ZNF521: variants seen among roughly 807,000 people sequenced by gnomAD.
ZNF521 encodes the protein zinc finger protein 521.
Under a neutral mutation model 105.5 loss-of-function variants are expected in ZNF521, and 14 were observed. That is an observed-to-expected ratio of 0.13 (90% CI 0.09 to 0.21). The LOEUF is 0.21. Ranked by LOEUF, ZNF521 falls within the 10% of genes least tolerant of loss-of-function variation. The pLI is 1.00. For synonymous variants in ZNF521, 635 were observed against 606.0 expected (o/e 1.05, Z -0.70); for missense variants, 1,233 against 1,629.7 (o/e 0.76, Z 4.19).
chr18:25,257,688 C>G (rs1908614633), intron 3 of ZNF521, among the ~76,000 whole-genome samples: 1 of 152,072 alleles, frequency 6.6e-6, no homozygotes, highest in South Asian at 2.1e-4. Context: ...GTCATGAAAC[C>G]TCCTCTTCAT....
chr18:25,129,269 AT>A (rs751790407), intron 5 of ZNF521, among the ~76,000 whole-genome samples: 1 of 82,782 alleles, frequency 1.2e-5, no homozygotes, highest in Admixed American at 1.5e-4. Context: ...AATAATAATT[AT>A]TATTATTATT....
At chr18:25,245,130 G>A (rs1048000198) in intron 3 of ZNF521, among the ~76,000 whole-genome samples, 2 of 152,182 alleles carry the variant, frequency 1.3e-5, no homozygotes, top group African/African-American at 2.4e-5. Context: ...AGGTTGTTTA[G>A]CCTCAGCATT....
chr18:25,117,379 A>G (rs924230443), intron 5 of ZNF521, among the ~76,000 whole-genome samples: 2 of 152,094 alleles, frequency 1.3e-5, no homozygotes, highest in African/African-American at 4.8e-5. Flanking sequence ...CGTATCCACA[A>G]CACAACACTT....
In ZNF521 at chr18:25,216,693, G is replaced by A. The variant is rs191441852; in HGVS notation, c.3573+7652C>T. 3.1e-3 allele frequency among the ~76,000 whole-genome samples: 474 copies of A among 152,240 alleles called. 6 individuals carry two copies. Among genetic ancestry groups the A allele is most frequent in the Non-Finnish European group, 2.0e-3 (138 of 68,012 alleles). On this transcript the variant is annotated intron_variant, in intron 4 of 7. Coordinates refer to ENST00000361524, the MANE Select transcript of ZNF521 (RefSeq NM_015461.3). ...CCCACTTCAGCCTCCTGAGTAGCTA[G>A]AACTACAGGTGTGCACCACCACACC...
At chr18:25,294,734 A>C (rs1299656818) in intron 3 of ZNF521, among the ~76,000 whole-genome samples, 1 of 151,820 alleles carries the variant, frequency 6.6e-6, no homozygotes, top group Admixed American at 6.6e-5. Context: ...CCATGCTTGT[A>C]ATCCCAGCTA....
chr18:25,325,697 C>T (rs1308331667), intron 2 of ZNF521, among the ~76,000 whole-genome samples: 1 of 152,188 alleles, frequency 6.6e-6, no homozygotes, highest in African/African-American at 2.4e-5. Flanking sequence ...ACCAACTTTC[C>T]ACCTCATCCT....
At position 25,193,870 on chromosome 18, in the gene ZNF521, T is replaced by C. The variant is rs567695802; in HGVS notation, c.3658+1290A>G. 7.9e-5 allele frequency among the ~76,000 whole-genome samples: 12 copies of C among 152,024 alleles called. No individual in the cohort carries two copies. The South Asian group carries it at 2.5e-3, about 32-fold the overall frequency. Reference sequence around the variant, plus strand: ...CAATATTTTAGCTGTTATGTATAAGTTCCATTTTGCACAAATAAGCTCTTA... The same window carrying C: ...CAATATTTTAGCTGTTATGTATAAGCTCCATTTTGCACAAATAAGCTCTTA... On this transcript the variant is annotated intron_variant, in intron 5 of 7. Transcript: ENST00000361524.
At chr18:25,340,274 G>A (rs1161510661) in intron 2 of ZNF521, among the ~76,000 whole-genome samples, 1 of 152,116 alleles carries the variant, frequency 6.6e-6, no homozygotes, top group Non-Finnish European at 1.5e-5. Context: ...AGGATCGCTT[G>A]AACCCAGGCA....
rs115940331 is a variant in ZNF521 at position 25,074,075 on chromosome 18, C to T, written c.3907-11334G>A. 4.1e-3 allele frequency among the ~76,000 whole-genome samples: 622 copies of T among 152,118 alleles called. 7 individuals are homozygous for T. The highest frequency in any genetic ancestry group is 0.014 in the African/African-American group (576 of 41,564). The stretch of plus-strand genomic sequence containing the variant: ...GCACATGTGTGCGCACGCGTGTGTG[C>T]GTGCGTGTGTGCACGCGCACGGGAA... On this transcript the variant is annotated intron_variant, in intron 7 of 7. Coordinates refer to ENST00000361524, the MANE Select transcript of ZNF521 (RefSeq NM_015461.3).
chr18:25,223,006 GCA>G (rs1384943951), intron 4 of ZNF521, among the ~76,000 whole-genome samples: 2 of 152,170 alleles, frequency 1.3e-5, no homozygotes, highest in African/African-American at 4.8e-5. Flanking sequence ...CCATACACAG[GCA>G]CACATACGTG....
chr18:25,346,001 G>A (rs1034943991), intron 2 of ZNF521, among the ~76,000 whole-genome samples: 3 of 152,032 alleles, frequency 2.0e-5, no homozygotes, highest in Non-Finnish European at 4.4e-5. Flanking sequence ...TAATTTGTGT[G>A]TGTATGTATC....
chr18:25,350,310 GC>G (rs1914676855), intron 2 of ZNF521, among the ~76,000 whole-genome samples: 1 of 151,774 alleles, frequency 6.6e-6, no homozygotes, highest in Admixed American at 6.5e-5. Flanking sequence ...TGAGGCCCGA[GC>G]CGGGGTCCGG....
At chr18:25,169,945 C>T (rs2035417488) in intron 5 of ZNF521, among the ~76,000 whole-genome samples, 1 of 152,106 alleles carries the variant, frequency 6.6e-6, no homozygotes, top group Admixed American at 6.6e-5. Flanking sequence ...CTGAAGGAAA[C>T]TTAAAGTGTG....
intron 2 of ZNF521, among the ~76,000 whole-genome samples, chr18:25,348,498 G>T (rs1914560379): frequency 6.6e-6 from 1 of 152,034 alleles, no homozygotes; most frequent in South Asian, 2.1e-4. Flanking sequence ...CTTCAGTGAG[G>T]ACTGTACTAT....
At chr18:25,077,125 T>A (rs1327246933) in intron 7 of ZNF521, among the ~76,000 whole-genome samples, 1 of 152,196 alleles carries the variant, frequency 6.6e-6, no homozygotes, top group Non-Finnish European at 1.5e-5. Context: ...AGCAAAATCC[T>A]TTCATCTCTT....
intron 3 of ZNF521, among the ~76,000 whole-genome samples, chr18:25,287,477 A>G (rs1195679337): frequency 6.6e-6 from 1 of 152,152 alleles, no homozygotes; most frequent in African/African-American, 2.4e-5. Context: ...TGTGTTTAAG[A>G]GCAGCGAAAT....
intron 3 of ZNF521, among the ~76,000 whole-genome samples, chr18:25,265,987 A>G (rs1445920309): frequency 6.6e-6 from 1 of 152,142 alleles, no homozygotes; most frequent in Non-Finnish European, 1.5e-5. Flanking sequence ...TAAAAATCAA[A>G]ACAATTGAAC....
chr18:25,194,453 G>A (rs1026030749), intron 5 of ZNF521, among the ~76,000 whole-genome samples: 8 of 151,548 alleles, frequency 5.3e-5, no homozygotes, highest in Admixed American at 2.6e-4. Context: ...TAATCCATGA[G>A]GAATTAAGAA....
intron 5 of ZNF521, among the ~76,000 whole-genome samples, chr18:25,184,058 T>A (rs568873495): frequency 3.3e-5 from 5 of 152,160 alleles, no homozygotes; most frequent in Admixed American, 2.6e-4. Context: ...ACAGCACACA[T>A]ATTCATTGAA....
Sources: gnomAD v4.1 joint callset for allele counts (sites outside exome capture counted in the v4.1 genomes callset) on GRCh38, gnomAD v4.1.1 for gene constraint, MANE v1.5 for transcripts, NCBI Gene and HGNC (gene_info 2026-07-23, HGNC 2026-07-21) for gene names.